Variants in PDE1C observed in about 807,000 individuals in gnomAD.
PDE1C encodes phosphodiesterase 1C.
PDE1C carries 62 observed loss-of-function variants against 93.1 expected under a neutral mutation model. The observed-to-expected ratio is 0.67, with a 90% CI of 0.54 to 0.82. PDE1C has a LOEUF of 0.82. PDE1C is among the 40% of genes least tolerant of loss of function. The pLI, the probability that PDE1C is intolerant of heterozygous loss-of-function variation, is 0.00. For missense variants in PDE1C, 742 were observed against 884.6 expected (o/e 0.84, Z 2.04); for synonymous variants, 325 against 310.1 (o/e 1.05, Z -0.50).
At chr7:31,667,965 G>C in the PDE1C span, among the ~76,000 whole-genome samples, 1 of 152,060 alleles carries the variant, frequency 6.6e-6, no homozygotes, top group Non-Finnish European at 1.5e-5. Flanking sequence ...AGGCAATGAG[G>C]AAGATGGTTA....
chr7:32,036,156 T>A (rs531315170), intron 2 of PDE1C, among the ~76,000 whole-genome samples: 1 of 152,248 alleles, frequency 6.6e-6, no homozygotes, highest in South Asian at 2.1e-4. Flanking sequence ...TAAATGGAAT[T>A]CCTTTGTCTG....
chr7:31,790,234 A>G (rs1784420982), intron 16 of PDE1C: 2 of 1,613,050 alleles, frequency 1.2e-6, no homozygotes, highest in South Asian at 1.1e-5. Context: ...TTTATTGTCT[A>G]TGAGGTCTTT....
intron 7 of PDE1C, among the ~76,000 whole-genome samples, chr7:31,858,633 A>T (rs902340056): frequency 1.3e-5 from 2 of 152,294 alleles, no homozygotes; most frequent in Admixed American, 1.3e-4. Flanking sequence ...GAAAGTCTAT[A>T]TATAAGGTCA....
At chr7:31,931,112 C>T (rs754207936) in intron 2 of PDE1C, among the ~76,000 whole-genome samples, 1 of 152,054 alleles carries the variant, frequency 6.6e-6, no homozygotes, top group Non-Finnish European at 1.5e-5. Context: ...TTATTTATGA[C>T]AAAGCCATAG....
intron 2 of PDE1C, among the ~76,000 whole-genome samples, chr7:31,959,611 G>C (rs1049164002): frequency 6.6e-6 from 1 of 152,178 alleles, no homozygotes; most frequent in Non-Finnish European, 1.5e-5. Flanking sequence ...GAAATTGATA[G>C]AGTTTGATTA....
chr7:32,024,487 CA>C (rs531491470), intron 2 of PDE1C, among the ~76,000 whole-genome samples: 33 of 140,018 alleles, frequency 2.4e-4, no homozygotes, highest in Admixed American at 4.3e-4. Flanking sequence ...TTCCAATAAG[CA>C]AAAAAAAAAG....
chr7:31,800,109 T>C (rs935648291), intron 16 of PDE1C, among the ~76,000 whole-genome samples: 5 of 151,680 alleles, frequency 3.3e-5, no homozygotes, highest in African/African-American at 1.2e-4. Context: ...TTTGTATGTT[T>C]TTAATTGGGT....
chr7:31,761,281 G>T (rs1018428098), intron 17 of PDE1C, among the ~76,000 whole-genome samples: 3 of 152,072 alleles, frequency 2.0e-5, no homozygotes, highest in South Asian at 4.2e-4. Context: ...AGTCAAAATT[G>T]TATCTCATTT....
intron 2 of PDE1C, among the ~76,000 whole-genome samples, chr7:31,890,721 T>G (rs540332160): frequency 6.6e-6 from 1 of 152,286 alleles, no homozygotes; most frequent in East Asian, 1.9e-4. Context: ...CAGAAATAAA[T>G]AAATTAATTC....
the PDE1C span, among the ~76,000 whole-genome samples, chr7:31,677,166 G>C: frequency 6.6e-6 from 1 of 152,130 alleles, no homozygotes; most frequent in Non-Finnish European, 1.5e-5. Context: ...ATAGTTTTGT[G>C]GATTCCCCAC....
the PDE1C span, among the ~76,000 whole-genome samples, chr7:31,627,514 C>T: frequency 5.9e-5 from 9 of 152,068 alleles, no homozygotes; most frequent in African/African-American, 2.2e-4. Flanking sequence ...AAAAATTAGT[C>T]CAATGGGATG....
the PDE1C span, among the ~76,000 whole-genome samples, chr7:31,633,680 T>G: frequency 6.6e-6 from 1 of 152,230 alleles, no homozygotes; most frequent in Non-Finnish European, 1.5e-5. Flanking sequence ...CCATTCCAAC[T>G]CTAGGCTAAC....
At chr7:32,410,600 G>T (rs1029267848) in intron 1 of PDE1C, among the ~76,000 whole-genome samples, 4 of 152,044 alleles carry the variant, frequency 2.6e-5, no homozygotes, top group Admixed American at 1.3e-4. Flanking sequence ...TTTCTGCCTT[G>T]CCCTGTGTCC....
intron 3 of PDE1C, among the ~76,000 whole-genome samples, chr7:32,134,083 T>C (rs370442175): frequency 3.3e-5 from 5 of 151,738 alleles, no homozygotes; most frequent in African/African-American, 9.7e-5. Context: ...AAAATAGATA[T>C]CATAGAAATC....
intron 2 of PDE1C, among the ~76,000 whole-genome samples, chr7:31,933,557 A>G (rs1388172280): frequency 1.3e-5 from 2 of 152,180 alleles, no homozygotes; most frequent in African/African-American, 2.4e-5. Flanking sequence ...CAGTTTTAGG[A>G]TGACACTTGA....
intron 3 of PDE1C, among the ~76,000 whole-genome samples, chr7:32,106,052 C>A (rs1312817464): frequency 6.6e-6 from 1 of 152,070 alleles, no homozygotes. Flanking sequence ...TGCTCTGGTG[C>A]CCAGGCTGGA....
intron 9 of PDE1C, among the ~76,000 whole-genome samples, chr7:31,843,714 A>G (rs1188945049): frequency 6.6e-6 from 1 of 151,702 alleles, no homozygotes; most frequent in African/African-American, 2.4e-5. Context: ...TGGGTCTAGC[A>G]TGTTATTATT....
At chr7:31,878,971 A>T (rs1796931780) in intron 4 of PDE1C, 25 bp downstream of exon 4, 1 of 1,601,728 alleles carries the variant, frequency 6.2e-7, no homozygotes, top group African/African-American at 1.3e-5. Flanking sequence ...TTTAGTCACT[A>T]AATGACAATG....
At chr7:31,685,846 C>A in the PDE1C span, among the ~76,000 whole-genome samples, 1 of 152,214 alleles carries the variant, frequency 6.6e-6, no homozygotes, top group Non-Finnish European at 1.5e-5. Context: ...ACCCTCATCT[C>A]TTCCCAGGAG....
Sources: allele counts gnomAD v4.1 joint callset (sites outside exome capture counted in the v4.1 genomes callset), GRCh38; gene constraint gnomAD v4.1.1; transcripts MANE v1.5; gene names NCBI Gene and HGNC (gene_info 2026-07-23, HGNC 2026-07-21).